Variants in LRMDA observed in about 807,000 individuals in gnomAD.
LRMDA encodes the protein leucine-rich melanocyte differentiation-associated protein.
In LRMDA, 18 loss-of-function variants were observed where a neutral mutation model predicts 29.8. The observed-to-expected ratio is 0.60, with a 90% CI of 0.42 to 0.90. The LOEUF is 0.90. Among genes scored for constraint, LRMDA ranks in the 40% least tolerant of loss-of-function variants. The probability of loss-of-function intolerance (pLI) is 0.00; values close to 1 mark genes in which losing one functional copy is unlikely to be tolerated. For missense variants in LRMDA, 273 were observed against 273.9 expected (o/e 1.00, Z 0.02); for synonymous variants, 125 against 109.4 (o/e 1.14, Z -0.89).
chr10:75,889,663 G>A (rs1845450469), intron 2 of LRMDA, among the ~76,000 whole-genome samples: 1 of 152,162 alleles, frequency 6.6e-6, no homozygotes, highest in African/African-American at 2.4e-5. Flanking sequence ...AGCTGAACTT[G>A]GAGAGGTGGC....
intron 2 of LRMDA, among the ~76,000 whole-genome samples, chr10:76,007,043 T>TGTGTGTGTGTGTGTGTGTGTGTGTG (rs1589285859): frequency 1.4e-5 from 2 of 147,296 alleles, no homozygotes; most frequent in African/African-American, 5.0e-5. Flanking sequence ...CGCGTGTGTG[T>TGTGTGTGTGTGTGTGTGTGTGTGTG]TTATATATTT....
chr10:76,103,886 T>C (rs953852518), intron 5 of LRMDA, among the ~76,000 whole-genome samples: 1 of 151,978 alleles, frequency 6.6e-6, no homozygotes, highest in Non-Finnish European at 1.5e-5. Context: ...CTGCCTCTAC[T>C]AAAAATACAA....
chr10:76,464,976 A>G (rs2132311740), intron 6 of LRMDA: 1 of 152,346 alleles, frequency 6.6e-6, no homozygotes, highest in African/African-American at 2.4e-5. Flanking sequence ...CTTTATGGAC[A>G]TGTGGGCACA....
At chr10:75,614,345 C>A (rs772648587) in intron 2 of LRMDA, among the ~76,000 whole-genome samples, 1 of 152,080 alleles carries the variant, frequency 6.6e-6, no homozygotes, top group African/African-American at 2.4e-5. Flanking sequence ...CAGAGACTGA[C>A]GGGAAGGGAT....
chr10:75,715,494 A>G (rs138783695), intron 2 of LRMDA, among the ~76,000 whole-genome samples: 2 of 152,094 alleles, frequency 1.3e-5, no homozygotes, highest in Non-Finnish European at 2.9e-5. Context: ...GAAAACTAGG[A>G]TCATTCTATA....
At chr10:75,844,892 G>A (rs1362180872) in intron 2 of LRMDA, among the ~76,000 whole-genome samples, 1 of 152,136 alleles carries the variant, frequency 6.6e-6, no homozygotes, top group South Asian at 2.1e-4. Flanking sequence ...ATGAACAATG[G>A]ATATTTTAGA....
At chr10:75,812,026 A>G (rs577606484) in intron 2 of LRMDA, among the ~76,000 whole-genome samples, 2 of 150,964 alleles carry the variant, frequency 1.3e-5, no homozygotes, top group South Asian at 2.1e-4. Context: ...GAAGTGAAAC[A>G]TATTGTTTCC....
rs559283745 is a variant in LRMDA, at chr10:76,004,225, C to T, written c.132-31783C>T. 3.9e-5 allele frequency among the ~76,000 whole-genome samples: 6 copies of T among 152,212 alleles called. No homozygotes were observed. The South Asian group carries it at 1.2e-3, about 32-fold the overall frequency. On this transcript the variant is annotated intron_variant, in intron 2 of 6. Transcript: ENST00000611255. ...GCATTTACACCATTGAGTAAATTTT[C>T]AAATGTAGTGAAAAATTATCCAATT... is the stretch of plus-strand genomic sequence containing the variant.
chr10:75,949,839 C>T (rs975995879), intron 2 of LRMDA, among the ~76,000 whole-genome samples: 2 of 152,172 alleles, frequency 1.3e-5, no homozygotes, highest in Non-Finnish European at 2.9e-5. Flanking sequence ...CCCTTTTCTT[C>T]TGCCCCAAGG....
chr10:75,921,841 C>A (rs535277749), intron 2 of LRMDA, among the ~76,000 whole-genome samples: 1 of 152,294 alleles, frequency 6.6e-6, no homozygotes, highest in South Asian at 2.1e-4. Flanking sequence ...TATCCCCTTC[C>A]TCCTTCTGAT....
chr10:76,424,401 T>C (rs1842102321), intron 6 of LRMDA, among the ~76,000 whole-genome samples: 3 of 152,206 alleles, frequency 2.0e-5, no homozygotes, highest in African/African-American at 7.2e-5. Flanking sequence ...TAGTCAGGCG[T>C]GGTGGCAGGC....
rs3041682 is a variant in LRMDA at position 75,690,994 on chromosome 10, T to TACACACACAC, written c.131+252526_131+252535dup. On this transcript the variant is annotated intron_variant, in intron 2 of 6. Transcript: ENST00000611255. ...TAAAAAAAAAATATATATATATATA[T>TACACACACAC]ACACACACACACACACACACACACA... 4.2e-4 allele frequency among the ~76,000 whole-genome samples: 42 copies of TACACACACAC among 100,050 alleles called. No individual in the cohort carries two copies. The East Asian group carries it at 8.2e-3, about 20-fold the overall frequency. The allele number at this position is 100,050 out of a possible 152,430, so 65.6% of individuals were successfully genotyped here.
chr10:76,031,661 G>GCCAGGGTAGTAGACATCAGAC (rs1848152934), intron 2 of LRMDA, among the ~76,000 whole-genome samples: 5 of 152,290 alleles, frequency 3.3e-5, no homozygotes, highest in Admixed American at 6.5e-5. Flanking sequence ...TGGGGGCCTA[G>GCCAGGGTAGTAGACATCAGAC]CCAGGGTAGT....
chr10:75,731,631 C>T (rs1042535323), intron 2 of LRMDA, among the ~76,000 whole-genome samples: 5 of 152,192 alleles, frequency 3.3e-5, no homozygotes, highest in African/African-American at 1.2e-4. Flanking sequence ...CTGGACTCAC[C>T]ATTAAGTCCT....
intron 5 of LRMDA, among the ~76,000 whole-genome samples, chr10:76,082,446 G>C (rs1158421774): frequency 1.3e-5 from 2 of 152,034 alleles, no homozygotes; most frequent in Admixed American, 1.3e-4. Flanking sequence ...TTGCCCGTGG[G>C]TTTCTGGTGG....
chr10:76,479,066 A>T (rs1842709828), intron 6 of LRMDA, among the ~76,000 whole-genome samples: 2 of 151,106 alleles, frequency 1.3e-5, no homozygotes, highest in Non-Finnish European at 3.0e-5. Context: ...ATATATAAAT[A>T]AAAAAAGATC....
intron 2 of LRMDA, among the ~76,000 whole-genome samples, chr10:75,821,012 A>G (rs1462795439): frequency 6.6e-6 from 1 of 152,222 alleles, no homozygotes; most frequent in African/African-American, 2.4e-5. Flanking sequence ...TTAAATAAGT[A>G]ATAAAAAACC....
chr10:76,271,662 T>C (rs1313288547), intron 5 of LRMDA, among the ~76,000 whole-genome samples: 1 of 152,192 alleles, frequency 6.6e-6, no homozygotes, highest in East Asian at 1.9e-4. Flanking sequence ...GGCTTGGACA[T>C]TGCATAGCTG....
At chr10:76,003,710 A>C (rs2132471431) in intron 2 of LRMDA, among the ~76,000 whole-genome samples, 1 of 152,312 alleles carries the variant, frequency 6.6e-6, no homozygotes, top group South Asian at 2.1e-4. Flanking sequence ...AAGGACAAAA[A>C]GATTATAAAA....
Sources: allele counts gnomAD v4.1 joint callset (sites outside exome capture counted in the v4.1 genomes callset), GRCh38; gene constraint gnomAD v4.1.1; transcripts MANE v1.5; gene names NCBI Gene and HGNC (gene_info 2026-07-23, HGNC 2026-07-21).